Variants in ALDH8A1 observed in about 807,000 individuals in gnomAD.
ALDH8A1 encodes the protein 2-aminomuconic semialdehyde dehydrogenase.
ALDH8A1 carries 39 observed loss-of-function variants against 43.3 expected under a neutral mutation model. The observed-to-expected ratio is 0.90, with a 90% CI of 0.70 to 1.18. The LOEUF is 1.18. Ranked by LOEUF, ALDH8A1 falls within the 50% of genes most tolerant of loss-of-function variation. The pLI, the probability that ALDH8A1 is intolerant of heterozygous loss-of-function variation, is 0.00. For missense variants in ALDH8A1, 605 were observed against 622.6 expected, an observed-to-expected ratio of 0.97 and a Z score of 0.30; for synonymous variants, 233 against 243.5, an observed-to-expected ratio of 0.96 and a Z score of 0.40.
intron 3 of ALDH8A1, among the ~76,000 whole-genome samples, chr6:134,939,759 A>G (rs552404062): frequency 6.6e-6 from 1 of 152,364 alleles, no homozygotes; most frequent in South Asian, 2.1e-4. Context: ...AGATACATGC[A>G]CGCGTATGTT....
chr6:134,950,073 T>C lies in ALDH8A1; in HGVS notation c.-20A>G, dbSNP rs369673218. 5.0e-6 allele frequency: 8 copies of C among 1,602,574 alleles called. No individual in the cohort carries two copies. The highest frequency in any genetic ancestry group is 1.3e-5 in the African/African-American group (1 of 74,732). ...AGCCATAGCAAGGAAAAATTCTGCC[T>C]TTCCTCTTTACGACTGAGCACTCAG... On this transcript the variant is annotated 5_prime_UTR_variant, in exon 1 of 7. Coordinates refer to ENST00000265605, the MANE Select transcript of ALDH8A1 (RefSeq NM_022568.4).
intron 6 of ALDH8A1, among the ~76,000 whole-genome samples, chr6:134,927,774 T>C (rs1366131353): frequency 6.6e-6 from 1 of 152,140 alleles, no homozygotes; most frequent in East Asian, 1.9e-4. Context: ...GGTTAACTTT[T>C]GTTCCACTCC....
intron 4 of ALDH8A1, among the ~76,000 whole-genome samples, chr6:134,938,658 A>T (rs926524120): frequency 2.6e-5 from 4 of 151,558 alleles, no homozygotes; most frequent in African/African-American, 9.7e-5. Context: ...TTTTTAATTT[A>T]TTTTTTTGAG....
intron 4 of ALDH8A1, among the ~76,000 whole-genome samples, chr6:134,935,593 CCTCT>C (rs1330475392): frequency 1.3e-5 from 2 of 152,038 alleles, no homozygotes; most frequent in East Asian, 3.9e-4. Flanking sequence ...GAGTTTATTC[CCTCT>C]ATTTCCTCAG....
rs574332029 is a variant in ALDH8A1 at position 134,943,889 on chromosome 6, G to A, written c.216C>T (p.Val72=). ...SSRSPQERSR[V]LNQVADLLEQ... The stretch of plus-strand genomic sequence containing the variant: ...CCAGCAAATCCGCCACCTGGTTCAG[G>A]ACCCGTGAGCGCTCCTGGGGGCTGC... The change falls in exon 2 of 7, where the codon GTC becomes GTT. Residue 72 remains valine (V), a synonymous_variant. Coordinates refer to ENST00000265605, the MANE Select transcript of ALDH8A1 (RefSeq NM_022568.4). 6.2e-7 allele frequency: 1 copy of A among 1,614,228 alleles called. No individual in the cohort carries two copies. Among genetic ancestry groups the A allele is most frequent in the East Asian group, 2.2e-5 (1 of 44,884 alleles).
Position 134,929,233 on chromosome 6 carries a change from AG to A in ALDH8A1, c.850-19del, listed in dbSNP as rs1325950500. 1 of 1,612,742 alleles carries A rather than the reference AG, an allele frequency of 6.2e-7. No individual in the cohort carries two copies. On this transcript the variant is annotated intron_variant, in intron 5 of 6. Coordinates refer to ENST00000265605, the MANE Select transcript of ALDH8A1 (RefSeq NM_022568.4). ...ATTTCACCCTGCCAAGAATGAGAAC[AG>A]GGATAAGGCTGCGGACACTCTCCTT...
chr6:134,921,506 T>C lies in ALDH8A1; in HGVS notation c.1012-2639A>G, dbSNP rs537701523. 5.9e-5 allele frequency among the ~76,000 whole-genome samples: 9 copies of C among 152,340 alleles called. No individual in the cohort carries two copies. The South Asian group carries it at 1.4e-3, about 25-fold the overall frequency. ...CCCTGCAGGTTACTGAGCATCCCCA[T>C]GGAGTCACTGAGACCCTGGGAAATC... On this transcript the variant is annotated intron_variant, in intron 6 of 6. Coordinates refer to ENST00000265605, the MANE Select transcript of ALDH8A1 (RefSeq NM_022568.4).
intron 6 of ALDH8A1, among the ~76,000 whole-genome samples, chr6:134,928,793 T>G (rs1583025706): frequency 6.6e-6 from 1 of 152,356 alleles, no homozygotes; most frequent in East Asian, 1.9e-4. Flanking sequence ...GAAATTTGGC[T>G]TCCCCTCTCT....
At chr6:134,941,764 C>A (rs1175227523) in intron 3 of ALDH8A1, among the ~76,000 whole-genome samples, 1 of 151,826 alleles carries the variant, frequency 6.6e-6, no homozygotes, top group Non-Finnish European at 1.5e-5. Flanking sequence ...CTCAGATGAT[C>A]CTTCTGCCTC....
chr6:134,928,275 C>G (rs1433350322), intron 6 of ALDH8A1, among the ~76,000 whole-genome samples: 1 of 152,218 alleles, frequency 6.6e-6, no homozygotes, highest in Non-Finnish European at 1.5e-5. Flanking sequence ...GCTACTTCAT[C>G]TTTCCATCTG....
chr6:134,921,860 G>A (rs1776804523), intron 6 of ALDH8A1, among the ~76,000 whole-genome samples: 1 of 152,232 alleles, frequency 6.6e-6, no homozygotes, highest in African/African-American at 2.4e-5. Context: ...CTCCAGCCCA[G>A]ATGGTTTGGC....
intron 1 of ALDH8A1, among the ~76,000 whole-genome samples, chr6:134,945,812 CA>C (rs1344263834): frequency 6.6e-6 from 1 of 152,150 alleles, no homozygotes; most frequent in Non-Finnish European, 1.5e-5. Context: ...TTCCCTCATG[CA>C]AAGTGACTGA....
rs142748919 is a variant in ALDH8A1 at position 134,921,253 on chromosome 6, C to T, written c.1012-2386G>A. On this transcript the variant is annotated intron_variant, in intron 6 of 6. Transcript: ENST00000265605. ...GGCCTTGGTTAGGTCTGAAGCCTGG[C>T]CCTAGCAGGGGATGCACCCATCAGC... Among the ~76,000 whole-genome samples the T allele has an allele frequency of 1.3e-5, 2 of 152,218 alleles. 1 individual carries two copies. The highest frequency in any genetic ancestry group is 2.9e-5 in the Non-Finnish European group (2 of 68,024).
At chr6:134,943,723 G>A (rs1773901376) in intron 2 of ALDH8A1, 96 bp downstream of exon 2, 1 of 1,492,168 alleles carries the variant, frequency 6.7e-7, no homozygotes, top group African/African-American at 1.4e-5. Context: ...TGCCAGAGGA[G>A]CAGGCACATG....
chr6:134,918,561 A>G lies in ALDH8A1; in HGVS notation c.1318T>C (p.Ser440Pro). 6.2e-7 allele frequency: 1 copy of G among 1,614,216 alleles called. No homozygotes were observed. The highest frequency in any genetic ancestry group is 8.5e-7 in the Non-Finnish European group (1 of 1,180,050). The change falls in exon 7 of 7, where the codon TCT becomes CCT. Residue 440 changes from serine (S) to proline (P), a missense_variant. Coordinates refer to ENST00000265605, the MANE Select transcript of ALDH8A1 (RefSeq NM_022568.4). ...CAGCAGTTGGTCCAGACCAAGCCAG[A>G]CTGCAGCTTCTTAGCCACCCGGTGG... is the stretch of plus-strand genomic sequence containing the variant. Reference protein sequence around the residue: ...RVHRVAKKLQSGLVWTNCWLI... With the variant: ...RVHRVAKKLQPGLVWTNCWLI...
intron 2 of ALDH8A1, among the ~76,000 whole-genome samples, chr6:134,943,407 T>C (rs2114707793): frequency 6.6e-6 from 1 of 152,228 alleles, no homozygotes; most frequent in Non-Finnish European, 1.5e-5. Context: ...TCAGAAAACA[T>C]CCTAAATAAT....
At position 134,932,758 on chromosome 6, in the gene ALDH8A1, G is replaced by A; in HGVS notation, c.849+18C>T. On this transcript the variant is annotated intron_variant, in intron 5 of 6. Coordinates refer to ENST00000265605, the MANE Select transcript of ALDH8A1 (RefSeq NM_022568.4). ...ACAGGGCCATGGAGGGGAGGGAGAA[G>A]AACCCCCGGGGACATACCTGGTTGG... 6.2e-7 allele frequency: 1 copy of A among 1,611,036 alleles called. No individual in the cohort carries two copies. Among genetic ancestry groups the A allele is most frequent in the Non-Finnish European group, 8.5e-7 (1 of 1,178,184 alleles).
At chr6:134,919,667 G>A (rs1249985957) in intron 6 of ALDH8A1, among the ~76,000 whole-genome samples, 1 of 152,046 alleles carries the variant, frequency 6.6e-6, no homozygotes, top group East Asian at 1.9e-4. Flanking sequence ...AAGTATAAAA[G>A]TAGTCCTAAA....
intron 4 of ALDH8A1, among the ~76,000 whole-genome samples, chr6:134,938,869 G>A (rs778676685): frequency 3.3e-5 from 5 of 151,972 alleles, no homozygotes; most frequent in Non-Finnish European, 7.4e-5. Flanking sequence ...GGATGGTCTC[G>A]ATCTCCTGAC....
Sources: allele counts gnomAD v4.1 joint callset (sites outside exome capture counted in the v4.1 genomes callset), GRCh38; gene constraint gnomAD v4.1.1; transcripts MANE v1.5; gene names NCBI Gene and HGNC (gene_info 2026-07-23, HGNC 2026-07-21).